CTBP2: variants seen among roughly 807,000 people sequenced by gnomAD.
CTBP2 encodes the protein C-terminal-binding protein 2.
A neutral mutation model predicts 80.3 loss-of-function variants in CTBP2; 30 were observed. That is an observed-to-expected ratio of 0.37 (90% confidence interval 0.28 to 0.51). The LOEUF is 0.51. Ranked by LOEUF, CTBP2 falls within the 20% of genes least tolerant of loss-of-function variation. CTBP2 has a pLI of 0.93. For missense variants in CTBP2, 1,212 were observed against 1,375.3 expected (o/e 0.88, Z 1.88); for synonymous variants, 594 against 587.4 (o/e 1.01, Z -0.16).
intron 2 of CTBP2, among the ~76,000 whole-genome samples, chr10:125,094,859 G>A (rs910548292): frequency 7.3e-6 from 1 of 137,700 alleles, no homozygotes; most frequent in African/African-American, 3.1e-5. Context: ...CTGATTACCG[G>A]CAATTTTTTT....
intron 1 of CTBP2, among the ~76,000 whole-genome samples, chr10:125,117,494 G>A (rs1047509607): frequency 5.9e-5 from 9 of 152,256 alleles, no homozygotes; most frequent in Non-Finnish European, 8.8e-5. Flanking sequence ...TTAATTACGC[G>A]CCTGGCCAGC....
chr10:125,023,590 G>A (rs1215885185), intron 1 of CTBP2, among the ~76,000 whole-genome samples: 3 of 152,128 alleles, frequency 2.0e-5, no homozygotes, highest in Non-Finnish European at 4.4e-5. Flanking sequence ...CGCGGGCCTG[G>A]AGCCCCCATT....
At chr10:125,078,520 T>TA (rs1846650108) in intron 2 of CTBP2, among the ~76,000 whole-genome samples, 1 of 152,116 alleles carries the variant, frequency 6.6e-6, no homozygotes, top group Non-Finnish European at 1.5e-5. Flanking sequence ...ACAGCCTTTT[T>TA]TTTTTTTTAA....
At chr10:125,149,691 G>A (rs1336265399) in intron 1 of CTBP2, among the ~76,000 whole-genome samples, 1 of 152,240 alleles carries the variant, frequency 6.6e-6, no homozygotes, top group Non-Finnish European at 1.5e-5. Flanking sequence ...AGAATAGGAA[G>A]GTAATCTTAT....
intron 1 of CTBP2, among the ~76,000 whole-genome samples, chr10:125,157,510 C>G (rs1391621212): frequency 1.3e-5 from 2 of 151,912 alleles, no homozygotes; most frequent in Non-Finnish European, 2.9e-5. Flanking sequence ...AACCCAAGAT[C>G]TTTTAATTCC....
At position 124,984,490 on chromosome 10, in the gene CTBP2, A is replaced by C. The variant is rs1469293705; in HGVS notation, c.*5028T>G. On this transcript the variant is annotated 3_prime_UTR_variant, in exon 9 of 9. Coordinates refer to ENST00000309035, the MANE Select transcript of CTBP2 (RefSeq NM_022802.3). ...TTTGAAGCTGTGGCTTGCCAGGATCAGTTTATTAGGACATTTGTTTTTTAT... is the reference window on the plus strand; with the variant it reads ...TTTGAAGCTGTGGCTTGCCAGGATCCGTTTATTAGGACATTTGTTTTTTAT... 7 of 348,296 alleles carry C rather than the reference A, an allele frequency of 2.0e-5. No individual in the cohort carries two copies. Among genetic ancestry groups the C allele is most frequent in the Non-Finnish European group, 3.1e-5 (6 of 193,598 alleles). The allele number at this position is 348,296 out of a possible 1,614,324, so 21.6% of individuals were successfully genotyped here.
intron 2 of CTBP2, among the ~76,000 whole-genome samples, chr10:125,089,616 C>G (rs1438676218): frequency 6.6e-6 from 1 of 152,158 alleles, no homozygotes; most frequent in East Asian, 1.9e-4. Flanking sequence ...CCAGAAGGAC[C>G]AGCCAGAGAA....
intron 1 of CTBP2, among the ~76,000 whole-genome samples, chr10:125,114,365 G>T (rs770989335): frequency 6.6e-6 from 1 of 152,002 alleles, no homozygotes; most frequent in African/African-American, 2.4e-5. Flanking sequence ...ATGACAGGGG[G>T]GTGTGTACTC....
intron 2 of CTBP2, among the ~76,000 whole-genome samples, chr10:125,060,420 G>A (rs79358331): frequency 6.6e-6 from 1 of 152,008 alleles, no homozygotes; most frequent in African/African-American, 2.4e-5. Context: ...AAACAGAAAT[G>A]CATTTTTCCT....
chr10:125,118,602 C>T (rs1590896141), intron 1 of CTBP2, among the ~76,000 whole-genome samples: 1 of 152,176 alleles, frequency 6.6e-6, no homozygotes, highest in Admixed American at 6.5e-5. Flanking sequence ...ACCTGAGGCT[C>T]ATGGGGCCTG....
Position 125,051,511 on chromosome 10 carries a change from G to GCACA in CTBP2, c.-101-12357_-101-12356insTGTG, listed in dbSNP as rs1962754193. On this transcript the variant is annotated intron_variant, in intron 2 of 10. Transcript: ENST00000337195. ...AAAAATTAGCCAGGTGTGGTGGTGG[G>GCACA]CACCTGTAATCCCAGCTACTCAGGA... Among the ~76,000 whole-genome samples the GCACA allele has an allele frequency of 7.2e-5, 11 of 152,166 alleles. No homozygotes were observed. The South Asian group carries it at 2.3e-3, about 32-fold the overall frequency.
rs564985531 is a variant in CTBP2 at position 125,085,303 on chromosome 10, G to A, written c.-102+25687C>T. On this transcript the variant is annotated intron_variant, in intron 2 of 10. Coordinates refer to the CTBP2 transcript ENST00000337195. ...AAACTCCCTCCTTTAAGATTCCTAC[G>A]CTGCCCTGACAGCAATTTAAGCAGC... 3.9e-5 allele frequency among the ~76,000 whole-genome samples: 6 copies of A among 152,270 alleles called. 1 individual carries two copies. Among genetic ancestry groups the A allele is most frequent in the South Asian group, 4.2e-4 (2 of 4,816 alleles).
chr10:125,117,248 A>G (rs74163345), intron 1 of CTBP2, among the ~76,000 whole-genome samples: 13,839 of 152,270 alleles, frequency 0.091, 812 homozygotes, highest in African/African-American at 0.16. Context: ...GATGGCCGCC[A>G]GCTGGCTCTG....
chr10:125,122,835 T>C (rs866074318), intron 1 of CTBP2: 15 of 152,228 alleles, frequency 9.9e-5, no homozygotes, highest in African/African-American at 3.6e-4. Flanking sequence ...GTTTCCATGA[T>C]GGATTTCCTC....
chr10:125,019,535 C>T (rs974931034), intron 1 of CTBP2, among the ~76,000 whole-genome samples: 1 of 152,092 alleles, frequency 6.6e-6, no homozygotes, highest in East Asian at 1.9e-4. Flanking sequence ...AGAAGTCTGG[C>T]GTGAAGCTCT....
chr10:125,140,119 T>TA (rs1857560242), intron 1 of CTBP2, among the ~76,000 whole-genome samples: 1 of 152,114 alleles, frequency 6.6e-6, no homozygotes, highest in Admixed American at 6.5e-5. Context: ...TGAAATCTGC[T>TA]AAGCTATGTA....
At chr10:125,064,558 C>T (rs772166120) in intron 2 of CTBP2, among the ~76,000 whole-genome samples, 1 of 152,208 alleles carries the variant, frequency 6.6e-6, no homozygotes, top group Non-Finnish European at 1.5e-5. Context: ...AAAAGTGCCA[C>T]AATCCATTGT....
chr10:125,106,667 G>A (rs1429856487), intron 2 of CTBP2, among the ~76,000 whole-genome samples: 1 of 152,214 alleles, frequency 6.6e-6, no homozygotes, highest in African/African-American at 2.4e-5. Context: ...CAGATGCCCT[G>A]CTCGGAGGTA....
At position 125,026,213 on chromosome 10, in the gene CTBP2, C is replaced by A; in HGVS notation, c.1547G>T (p.Gly516Val). 1 of 1,613,472 alleles carries A rather than the reference C, an allele frequency of 6.2e-7. No individual in the cohort carries two copies. Among genetic ancestry groups the A allele is most frequent in the Non-Finnish European group, 8.5e-7 (1 of 1,179,846 alleles). ...CAGGGTGGATGGCCCCAGGGGTGCA[C>A]CTGGCTTCCGCAAGACCTGGGGGCT... The change falls in exon 1 of 9, where the codon GGT (glycine) becomes GTT (valine). Residue 516 changes from glycine (G) to valine (V), a missense_variant. By Grantham distance (109) the Gly-to-Val change is moderately radical. Coordinates refer to ENST00000309035, the MANE Select transcript of CTBP2 (RefSeq NM_022802.3).
Sources: gnomAD v4.1 joint callset for allele counts (sites outside exome capture counted in the v4.1 genomes callset) on GRCh38, gnomAD v4.1.1 for gene constraint, MANE v1.5 for transcripts, NCBI Gene and HGNC (gene_info 2026-07-23, HGNC 2026-07-21) for gene names.